ABHD12: variants seen among roughly 807,000 people sequenced by gnomAD.
ABHD12 encodes lysophosphatidylserine lipase ABHD12.
Under a neutral mutation model 58.3 loss-of-function variants are expected in ABHD12, and 43 were observed. The observed-to-expected ratio is 0.74, with a 90% CI of 0.58 to 0.95. The LOEUF is 0.95. ABHD12 is among the 40% of genes least tolerant of loss of function. The probability of loss-of-function intolerance (pLI) is 0.00; values close to 1 mark genes in which losing one functional copy is unlikely to be tolerated. For missense variants in ABHD12, 539 were observed against 537.2 expected (o/e 1.00, Z -0.03); for synonymous variants, 219 against 211.2 (o/e 1.04, Z -0.32).
chr20:25,382,932 C>T (rs1325396065), intron 1 of ABHD12, among the ~76,000 whole-genome samples: 1 of 151,828 alleles, frequency 6.6e-6, no homozygotes, highest in Non-Finnish European at 1.5e-5. Context: ...AAAACCAGTA[C>T]CAGTTGAGGG....
intron 1 of ABHD12, among the ~76,000 whole-genome samples, chr20:25,371,595 C>T (rs867788960): frequency 1.3e-5 from 2 of 152,080 alleles, no homozygotes; most frequent in African/African-American, 2.4e-5. Context: ...CTAATATTGC[C>T]GGGTTTTTAT....
At chr20:25,295,573 C>A, downstream of ABHD12, 1 of 1,603,144 alleles carries the variant, frequency 6.2e-7, no homozygotes, top group Non-Finnish European at 8.5e-7. Flanking sequence ...CTCCCTGCTG[C>A]CCTGGCCCAG....
At chr20:25,369,550 G>C (rs1247805444) in intron 1 of ABHD12, among the ~76,000 whole-genome samples, 1 of 152,114 alleles carries the variant, frequency 6.6e-6, no homozygotes, top group African/African-American at 2.4e-5. Context: ...AGGGCACGAA[G>C]GATCACGTAC....
intron 1 of ABHD12, among the ~76,000 whole-genome samples, chr20:25,342,202 A>G (rs2089464082): frequency 6.6e-6 from 1 of 152,120 alleles, no homozygotes; most frequent in Admixed American, 6.5e-5. Flanking sequence ...GGATAAACAA[A>G]CCATGGTATG....
intron 4 of ABHD12, 85 bp from the exon 5 acceptor site, chr20:25,317,163 G>T: frequency 1.1e-6 from 1 of 895,652 alleles, no homozygotes. Flanking sequence ...CCCAAACCAG[G>T]GGGAGGCCAA....
chr20:25,294,893 C>T, exon 13 of ABHD12: 3 of 1,505,732 alleles, frequency 2.0e-6, no homozygotes, highest in Non-Finnish European at 2.8e-6. Context: ...AATTCACCTG[C>T]CCTCCACTTT....
intron 1 of ABHD12, among the ~76,000 whole-genome samples, chr20:25,351,212 C>T (rs1021136661): frequency 1.8e-4 from 28 of 152,174 alleles, no homozygotes; most frequent in African/African-American, 6.5e-4. Context: ...ATCTGGTTGT[C>T]TTTCTTCTCC....
At chr20:25,388,443 T>C (rs1175521819) in intron 1 of ABHD12, among the ~76,000 whole-genome samples, 1 of 152,146 alleles carries the variant, frequency 6.6e-6, no homozygotes, top group African/African-American at 2.4e-5. Context: ...TCTCGAGTGA[T>C]AACAAGGTCG....
At chr20:25,303,070 G>GT (rs1256866987) in intron 11 of ABHD12, among the ~76,000 whole-genome samples, 1 of 152,206 alleles carries the variant, frequency 6.6e-6, no homozygotes, top group Admixed American at 6.5e-5. Flanking sequence ...TCTGGTTCTG[G>GT]TATCAGCGCA....
At chr20:25,313,345 G>T (rs1244538247) in intron 6 of ABHD12, among the ~76,000 whole-genome samples, 2 of 152,176 alleles carry the variant, frequency 1.3e-5, no homozygotes, top group Non-Finnish European at 2.9e-5. Flanking sequence ...GATTAAGGGC[G>T]GTGCAAGATG....
intron 7 of ABHD12, among the ~76,000 whole-genome samples, chr20:25,309,154 C>A (rs2088801959): frequency 1.3e-5 from 2 of 152,248 alleles, no homozygotes; most frequent in South Asian, 4.2e-4. Context: ...CCCACTGTGC[C>A]CTCCCTCAGC....
rs766975690 is a variant in ABHD12, at chr20:25,339,675, C to T, written c.192-324G>A. ...AGACCCCACCATGCCCCCCACCTGA[C>T]ATCAGACCCCAGCTGTAACCTCGTA... On this transcript the variant is annotated intron_variant, in intron 1 of 12. Transcript: ENST00000339157. The T allele has an allele frequency of 6.5e-6, 9 of 1,383,600 alleles. No homozygotes were observed. The South Asian group carries it at 9.1e-5, about 14-fold the overall frequency. The allele number at this position is 1,383,600 out of a possible 1,614,324, so 85.7% of individuals were successfully genotyped here.
intron 9 of ABHD12, 87 bp from the exon 10 acceptor site, chr20:25,307,002 A>T (rs879058898): frequency 1.0e-6 from 1 of 1,002,444 alleles, no homozygotes; most frequent in Non-Finnish European, 1.5e-6. Flanking sequence ...AAGTTCAGAA[A>T]TCTATAAGGC....
chr20:25,356,921 G>C (rs573547447), intron 1 of ABHD12, among the ~76,000 whole-genome samples: 1 of 152,144 alleles, frequency 6.6e-6, no homozygotes, highest in Non-Finnish European at 1.5e-5. Flanking sequence ...GAACTACCTG[G>C]GACAGGAGCT....
chr20:25,372,506 T>G (rs1194185407), intron 1 of ABHD12, among the ~76,000 whole-genome samples: 1 of 152,184 alleles, frequency 6.6e-6, no homozygotes, highest in East Asian at 1.9e-4. Flanking sequence ...CACCTGGCCC[T>G]CTTTCAGCTT....
intron 1 of ABHD12, among the ~76,000 whole-genome samples, chr20:25,352,239 G>A (rs1038530396): frequency 4.7e-5 from 7 of 150,518 alleles, no homozygotes; most frequent in Middle Eastern, 3.6e-3. Flanking sequence ...TGATCCACTC[G>A]CCTTGGCCTC....
chr20:25,372,656 A>G (rs528632027), intron 1 of ABHD12, among the ~76,000 whole-genome samples: 1 of 152,380 alleles, frequency 6.6e-6, no homozygotes, highest in Admixed American at 6.5e-5. Flanking sequence ...CAAACTGCAT[A>G]ATAGCATTTC....
At chr20:25,338,149 G>A (rs986666280) in intron 2 of ABHD12, among the ~76,000 whole-genome samples, 1 of 152,000 alleles carries the variant, frequency 6.6e-6, no homozygotes, top group African/African-American at 2.4e-5. Flanking sequence ...AAACTCATAA[G>A]CCCAGATGCC....
At chr20:25,350,952 G>A (rs1269527712) in intron 1 of ABHD12, among the ~76,000 whole-genome samples, 5 of 139,084 alleles carry the variant, frequency 3.6e-5, no homozygotes, top group Admixed American at 1.5e-4. Context: ...TCCATCCTAC[G>A]AATCCTTCAC....
Sources: gnomAD v4.1 joint callset for allele counts (sites outside exome capture counted in the v4.1 genomes callset) on GRCh38, gnomAD v4.1.1 for gene constraint, MANE v1.5 for transcripts, NCBI Gene and HGNC (gene_info 2026-07-23, HGNC 2026-07-21) for gene names.